Variants in SMARCA4 observed in about 807,000 individuals in gnomAD.
The protein encoded by SMARCA4 is SWI/SNF-related matrix-associated actin-dependent regulator of chromatin subfamily A member 4.
In SMARCA4, 31 loss-of-function variants were observed where a neutral mutation model predicts 193.9. The ratio of observed to expected loss-of-function variants is 0.16; its 90% CI spans 0.12 to 0.22. The LOEUF (loss-of-function observed/expected upper bound fraction) is 0.22. Ranked by LOEUF, SMARCA4 falls within the 10% of genes least tolerant of loss-of-function variation. The pLI is 1.00. For synonymous variants in SMARCA4, 942 were observed against 933.1 expected (o/e 1.01, Z -0.17); for missense variants, 1,148 against 2,296.0 (o/e 0.50, Z 10.22).
In SMARCA4 at chr19:10,985,245, C is replaced by T. The variant is rs2145746511; in HGVS notation, c.223-28C>T. On this transcript the variant is annotated intron_variant, in intron 2 of 34. Coordinates refer to ENST00000344626, the MANE Select transcript of SMARCA4 (RefSeq NM_003072.5). The surrounding 1 kb of genome is among the most constrained non-coding windows in gnomAD (Gnocchi z 4.5). ...TGCCACCTCACGTTCCACATGCTGA[C>T]CCTGCCTTGCCATGGTCCCTCTCGC... 6.2e-7 allele frequency: 1 copy of T among 1,613,560 alleles called. No homozygotes were observed.
At position 11,024,316 on chromosome 19, in the gene SMARCA4, A is replaced by G. The variant is rs765658699; in HGVS notation, c.2974-15A>G. ...GCCACCTTGGGCCCTCGTGAGCATTATGTGTCCCCTGCAGGTGGAGTACGT... is the reference window on the plus strand; with the variant it reads ...GCCACCTTGGGCCCTCGTGAGCATTGTGTGTCCCCTGCAGGTGGAGTACGT... On this transcript the variant is annotated splice_polypyrimidine_tract_variant and intron_variant, in intron 20 of 34. Coordinates refer to ENST00000344626, the MANE Select transcript of SMARCA4 (RefSeq NM_003072.5). The G allele has an allele frequency of 3.2e-6, 5 of 1,585,868 alleles. No homozygotes were observed. In the South Asian group the frequency reaches 5.5e-5, roughly 17 times the overall value.
chr19:11,059,344 A>G (rs2076726900), intron 32 of SMARCA4: 5 of 319,866 alleles, frequency 1.6e-5, no homozygotes, highest in South Asian at 1.2e-4. Flanking sequence ...TCAACTTGGC[A>G]AACTTTCTTA....
In SMARCA4 at chr19:11,019,975, A is replaced by G. The variant is rs923803618; in HGVS notation, c.2616+274A>G. Among the ~76,000 whole-genome samples the G allele has an allele frequency of 1.3e-5, 2 of 152,200 alleles. No individual in the cohort carries two copies. The highest frequency in any genetic ancestry group is 4.8e-5 in the African/African-American group (2 of 41,460). ...CTCCTCTCGGGCCTTCTGCCCAGAG[A>G]GCCTCAGCACCAAGGCGTCTCCTGA... On this transcript the variant is annotated intron_variant, in intron 18 of 34. Transcript: ENST00000344626. The surrounding 1 kb of genome is among the most constrained non-coding windows in gnomAD (Gnocchi z 6.1).
At chr19:11,008,700 G>A (rs373147935) in intron 14 of SMARCA4, among the ~76,000 whole-genome samples, 1 of 152,194 alleles carries the variant, frequency 6.6e-6, no homozygotes, top group African/African-American at 2.4e-5. Context: ...AGGGCTGGGC[G>A]TGGTGGCTCA....
rs2090031606 is a variant in SMARCA4, at chr19:11,023,641, T to G, written c.2973+10T>G. The G allele has an allele frequency of 1.3e-6, 2 of 1,560,888 alleles. No individual in the cohort carries two copies. Among genetic ancestry groups the G allele is most frequent in the East Asian group, 4.5e-5 (2 of 44,346 alleles). On this transcript the variant is annotated intron_variant, in intron 20 of 34. Coordinates refer to ENST00000344626, the MANE Select transcript of SMARCA4 (RefSeq NM_003072.5). ...CCAGTTGCCCGAAAAGGTGATGGAG[T>G]TTTGAGGGGAGCCACCAGTGAAGCA...
rs2085903087 is a variant in SMARCA4, at chr19:10,985,126, T to C, written c.223-147T>C. 1 of 810,696 alleles carries C rather than the reference T, an allele frequency of 1.2e-6. No homozygotes were observed. The highest frequency in any genetic ancestry group is 2.1e-6 in the Non-Finnish European group (1 of 484,144). The allele number at this position is 810,696 out of a possible 1,614,324, so 50.2% of individuals were successfully genotyped here. On this transcript the variant is annotated intron_variant, in intron 2 of 34. Transcript: ENST00000344626. This position sits in a 1 kb window ranked among gnomAD's most constrained non-coding sequence, Gnocchi z 4.5. ...CCTAAGTAGGTGTCAGAACCTTGCCTTGGAGTCATGCTGGGGACTGGGGAG... is the reference window on the plus strand; with the variant it reads ...CCTAAGTAGGTGTCAGAACCTTGCCCTGGAGTCATGCTGGGGACTGGGGAG...
At chr19:10,989,157 C>T (rs142292760) in intron 6 of SMARCA4, among the ~76,000 whole-genome samples, 160 bp from the exon 7 acceptor site, 1 of 152,200 alleles carries the variant, frequency 6.6e-6, no homozygotes, top group Non-Finnish European at 1.5e-5. Context: ...GGGCTATCTC[C>T]CTCTCTGCTG....
chr19:11,058,808 G>A lies in SMARCA4; in HGVS notation c.4554G>A (p.Lys1518=), dbSNP rs908851023. The part of the protein sequence containing the change: ...KKIKERIRNH[K]YRSLNDLEKD... Reference sequence around the variant, plus strand: ...TGCAGGAGCGCATTCGCAACCACAAGTACCGCAGCCTCAACGACCTAGAGA... The same window carrying A: ...TGCAGGAGCGCATTCGCAACCACAAATACCGCAGCCTCAACGACCTAGAGA... The change falls in exon 32 of 35, where the codon AAG becomes AAA. Residue 1518 remains lysine, a synonymous_variant. Transcript: ENST00000344626. The surrounding 1 kb of genome is among the most constrained non-coding windows in gnomAD (Gnocchi z 5.8). The A allele has an allele frequency of 5.0e-6, 8 of 1,613,984 alleles. No individual in the cohort carries two copies. The highest frequency in any genetic ancestry group is 1.3e-5 in the African/African-American group (1 of 74,924).
chr19:10,999,165 C>T (rs1199410045), intron 11 of SMARCA4, among the ~76,000 whole-genome samples: 2 of 152,090 alleles, frequency 1.3e-5, no homozygotes, highest in Admixed American at 1.3e-4. Context: ...CTTGGCCTCC[C>T]AAAGTGCTAG....
chr19:10,982,400 G>C (rs1789425536), intron 1 of SMARCA4, among the ~76,000 whole-genome samples: 2 of 152,216 alleles, frequency 1.3e-5, no homozygotes, highest in Non-Finnish European at 2.9e-5. Flanking sequence ...CTTGAACCTG[G>C]GAGGCGGAGG....
chr19:11,030,093 G>A lies in SMARCA4; in HGVS notation c.3383-637G>A, dbSNP rs745872061. On this transcript the variant is annotated intron_variant, in intron 24 of 34. Transcript: ENST00000344626. This position sits in a 1 kb window ranked among gnomAD's most constrained non-coding sequence, Gnocchi z 5.5. ...TAATGCCCACAACGCTGAGGGCATC[G>A]TGGGTTGTCACCCAGGAGACCTGCT... is the stretch of plus-strand genomic sequence containing the variant. Among the ~76,000 whole-genome samples the A allele has an allele frequency of 2.0e-5, 3 of 152,186 alleles. No homozygotes were observed. Among genetic ancestry groups the A allele is most frequent in the Non-Finnish European group, 4.4e-5 (3 of 68,026 alleles).
intron 30 of SMARCA4, among the ~76,000 whole-genome samples, chr19:11,048,874 GT>G (rs1217596773): frequency 1.3e-5 from 2 of 152,170 alleles, no homozygotes; most frequent in African/African-American, 4.8e-5. Context: ...CTTATACTCT[GT>G]TCTTCTGCAC....
chr19:10,969,818 C>T (rs2084534239), intron 1 of SMARCA4, among the ~76,000 whole-genome samples: 2 of 151,918 alleles, frequency 1.3e-5, no homozygotes. Context: ...ACATCCATTC[C>T]ATCAGCATGT....
At position 10,984,972 on chromosome 19, in the gene SMARCA4, A is replaced by T. The variant is rs1297573530; in HGVS notation, c.223-301A>T. Among the ~76,000 whole-genome samples, 1 of 152,202 alleles carries T rather than the reference A, an allele frequency of 6.6e-6. No homozygotes were observed. On this transcript the variant is annotated intron_variant, in intron 2 of 34. Transcript: ENST00000344626. The surrounding 1 kb of genome is among the most constrained non-coding windows in gnomAD (Gnocchi z 4.3). ...AGGTCATATTAGCATCCATGAGAAA[A>T]GGTGACATTTCTAAGTGTCACGGGC...
intron 1 of SMARCA4, among the ~76,000 whole-genome samples, chr19:10,978,078 G>A (rs535768358): frequency 1.3e-5 from 2 of 152,316 alleles, no homozygotes; most frequent in South Asian, 4.1e-4. Context: ...CATCAAGTAG[G>A]CTGAGGCCCC....
chr19:11,052,664 G>T (rs1352512886), intron 30 of SMARCA4, among the ~76,000 whole-genome samples: 3 of 152,176 alleles, frequency 2.0e-5, no homozygotes, highest in African/African-American at 7.2e-5. Context: ...AGGATTCCAG[G>T]ACCTCCTGTG....
intron 1 of SMARCA4, among the ~76,000 whole-genome samples, chr19:10,979,412 C>CTTT (rs778610991): frequency 1.8e-4 from 25 of 137,816 alleles, no homozygotes; most frequent in African/African-American, 5.3e-4. Context: ...GTGTGATTGT[C>CTTT]TTTTTTTTTT....
chr19:11,018,647 C>T (rs1165173918), intron 16 of SMARCA4, among the ~76,000 whole-genome samples: 2 of 152,232 alleles, frequency 1.3e-5, no homozygotes, highest in African/African-American at 4.8e-5. Context: ...GCAGCAGGTC[C>T]AGGCTTCCCC....
Position 10,986,970 on chromosome 19 carries a change from C to T in SMARCA4, c.826C>T (p.Pro276Ser), listed in dbSNP as rs1238171014. ...CGTGCCCCCCGGGATGCCAGGCCAG[C>T]CTCCTGGAGGGCCTCCCAAGCCCTG... ...SGVPPGMPGQ[P>S]PGGPPKPWPE... Residue 276 changes from proline (P) to serine (S), a missense_variant, in exon 5 of 35, where the codon CCT becomes TCT. This residue lies in a region of SMARCA4 where 257 missense variants were observed against 276.5 expected (regional missense o/e 0.93). Coordinates refer to ENST00000344626, the MANE Select transcript of SMARCA4 (RefSeq NM_003072.5). The surrounding 1 kb of genome is among the most constrained non-coding windows in gnomAD (Gnocchi z 6.7). The T allele has an allele frequency of 1.2e-6, 2 of 1,608,500 alleles. No homozygotes were observed. Among genetic ancestry groups the T allele is most frequent in the Non-Finnish European group, 1.7e-6 (2 of 1,179,858 alleles).
Sources: allele counts gnomAD v4.1 joint callset (sites outside exome capture counted in the v4.1 genomes callset), GRCh38; gene constraint gnomAD v4.1.1; regional missense constraint gnomAD v4.1.1; non-coding constraint Gnocchi (gnomAD v3.1); transcripts MANE v1.5; gene names NCBI Gene and HGNC (gene_info 2026-07-23, HGNC 2026-07-21).